Variants in GRIP1 observed in about 807,000 individuals in gnomAD.
The protein encoded by GRIP1 is glutamate receptor interacting protein 1, also known as glutamate receptor-interacting protein 1.
Under a neutral mutation model 129.9 loss-of-function variants are expected in GRIP1, and 45 were observed. The ratio of observed to expected loss-of-function variants is 0.35; its 90% confidence interval spans 0.27 to 0.44. The LOEUF is 0.44. Among genes scored for constraint, GRIP1 ranks in the 20% least tolerant of loss-of-function variants. The pLI is 1.00. For synonymous variants in GRIP1, 530 were observed against 520.8 expected (o/e 1.02, Z -0.24); for missense variants, 1,196 against 1,396.8 (o/e 0.86, Z 2.29).
intron 1 of GRIP1, among the ~76,000 whole-genome samples, chr12:66,605,358 T>C (rs192406256): frequency 3.9e-5 from 6 of 152,280 alleles, no homozygotes; most frequent in African/African-American, 1.2e-4. Context: ...ATCAGGGCTC[T>C]CAAGAGTCCT....
At chr12:66,593,041 G>T (rs2063903938) in intron 2 of GRIP1, among the ~76,000 whole-genome samples, 1 of 151,888 alleles carries the variant, frequency 6.6e-6, no homozygotes, top group Non-Finnish European at 1.5e-5. Context: ...TTAAACTTTG[G>T]TGTCATAGGG....
chr12:66,764,791 TGTC>T (rs529189582), intron 1 of GRIP1, among the ~76,000 whole-genome samples: 200 of 152,318 alleles, frequency 1.3e-3, no homozygotes, highest in Non-Finnish European at 2.3e-3. Flanking sequence ...CCCTATCTCT[TGTC>T]TGTTTTGCAA....
intron 1 of GRIP1, among the ~76,000 whole-genome samples, chr12:66,957,775 TATATGTC>T (rs1215469408): frequency 1.3e-5 from 2 of 152,052 alleles, no homozygotes; most frequent in African/African-American, 4.8e-5. Context: ...ACTGAGGGAG[TATATGTC>T]AGATTTCTTC....
At chr12:66,802,430 T>C (rs1365026936) in intron 1 of GRIP1, among the ~76,000 whole-genome samples, 1 of 152,216 alleles carries the variant, frequency 6.6e-6, no homozygotes, top group East Asian at 1.9e-4. Context: ...ACTTAATGTA[T>C]AAAGACTACT....
At chr12:66,692,544 T>A (rs896842355) in intron 1 of GRIP1, among the ~76,000 whole-genome samples, 6 of 151,214 alleles carry the variant, frequency 4.0e-5, no homozygotes, top group South Asian at 2.1e-4. Flanking sequence ...GGAGGAGATT[T>A]AAAAAAAAAC....
chr12:66,812,641 T>A (rs900878006), intron 1 of GRIP1, among the ~76,000 whole-genome samples: 3 of 152,236 alleles, frequency 2.0e-5, no homozygotes, highest in Admixed American at 1.3e-4. Flanking sequence ...TTTAAAACTG[T>A]TAGCTTAAAT....
intron 1 of GRIP1, among the ~76,000 whole-genome samples, chr12:66,774,098 T>C (rs1182517203): frequency 6.6e-6 from 1 of 152,066 alleles, no homozygotes; most frequent in African/African-American, 2.4e-5. Context: ...TTCAATGAGA[T>C]ATTGACCTGT....
At chr12:66,488,414 C>A (rs73319254) in intron 7 of GRIP1, among the ~76,000 whole-genome samples, 4,387 of 152,216 alleles carry the variant, frequency 0.029, 192 homozygotes, top group African/African-American at 0.096. Flanking sequence ...TAAAAGAGTT[C>A]TTTGAAACTG....
At chr12:66,633,878 G>A (rs1592678636) in intron 1 of GRIP1, among the ~76,000 whole-genome samples, 2 of 152,310 alleles carry the variant, frequency 1.3e-5, no homozygotes, top group East Asian at 1.9e-4. Flanking sequence ...AAGCACACTT[G>A]AGAGTGTGAT....
At chr12:66,955,661 C>A (rs1344670587) in intron 1 of GRIP1, among the ~76,000 whole-genome samples, 1 of 151,998 alleles carries the variant, frequency 6.6e-6, no homozygotes, top group East Asian at 1.9e-4. Context: ...GCGTGCATCA[C>A]CATGCCCGGA....
chr12:66,459,536 C>A (rs1210752906), intron 9 of GRIP1, among the ~76,000 whole-genome samples: 1 of 152,192 alleles, frequency 6.6e-6, no homozygotes, highest in Non-Finnish European at 1.5e-5. Context: ...GACTGTACAG[C>A]ACAATTAATA....
chr12:66,560,294 G>A (rs2062476204), intron 2 of GRIP1, among the ~76,000 whole-genome samples: 1 of 152,000 alleles, frequency 6.6e-6, no homozygotes, highest in Admixed American at 6.6e-5. Flanking sequence ...ACAAGCACAG[G>A]CAACCAAAGT....
intron 1 of GRIP1, among the ~76,000 whole-genome samples, chr12:66,707,254 T>C (rs2035561805): frequency 6.6e-6 from 1 of 151,864 alleles, no homozygotes; most frequent in African/African-American, 2.4e-5. Context: ...TCTTCTAAGC[T>C]GTAGCTGTTT....
At chr12:66,412,893 CAACAAG>C (rs1311818033) in intron 15 of GRIP1, among the ~76,000 whole-genome samples, 2 of 152,042 alleles carry the variant, frequency 1.3e-5, no homozygotes, top group Non-Finnish European at 2.9e-5. Flanking sequence ...ATGTTAAATT[CAACAAG>C]AAGAGCTAAG....
chr12:66,368,246 T>C (rs1335005372), intron 23 of GRIP1, among the ~76,000 whole-genome samples: 3 of 151,896 alleles, frequency 2.0e-5, no homozygotes, highest in African/African-American at 7.3e-5. Context: ...GGAGTGTTTT[T>C]AGCTATTTTT....
At chr12:66,544,244 T>C (rs1048668619) in intron 2 of GRIP1, among the ~76,000 whole-genome samples, 1 of 152,240 alleles carries the variant, frequency 6.6e-6, no homozygotes, top group Admixed American at 6.5e-5. Context: ...CTAATTTTAA[T>C]AATGTGAAAT....
At chr12:66,514,271 G>C (rs2060782153) in intron 7 of GRIP1, among the ~76,000 whole-genome samples, 2 of 152,094 alleles carry the variant, frequency 1.3e-5, no homozygotes, top group Non-Finnish European at 2.9e-5. Flanking sequence ...ACATGAGTTA[G>C]ATGTCAAATA....
At chr12:66,431,546 T>C (rs920554103) in intron 14 of GRIP1, among the ~76,000 whole-genome samples, 1 of 152,200 alleles carries the variant, frequency 6.6e-6, no homozygotes, top group Non-Finnish European at 1.5e-5. Context: ...TACTGCCCAA[T>C]TGAGAACTTT....
chr12:66,586,393 A>G (rs2063636855), intron 2 of GRIP1, among the ~76,000 whole-genome samples: 1 of 151,890 alleles, frequency 6.6e-6, no homozygotes, highest in Non-Finnish European at 1.5e-5. Flanking sequence ...TTGTTTCTTC[A>G]TATCTTTGGC....
Sources: gnomAD v4.1 joint callset for allele counts (sites outside exome capture counted in the v4.1 genomes callset) on GRCh38, gnomAD v4.1.1 for gene constraint, MANE v1.5 for transcripts, NCBI Gene and HGNC (gene_info 2026-07-23, HGNC 2026-07-21) for gene names.